DPP10: variants seen among roughly 807,000 people sequenced by gnomAD.
DPP10 encodes dipeptidyl peptidase like 10, also known as inactive dipeptidyl peptidase 10.
A neutral mutation model predicts 120.9 loss-of-function variants in DPP10; 33 were observed. The ratio of observed to expected loss-of-function variants is 0.27; its 90% CI spans 0.21 to 0.37. DPP10 has a LOEUF of 0.37. DPP10 is among the 10% of genes least tolerant of loss of function. DPP10 has a pLI of 1.00. For missense variants in DPP10, 816 were observed against 942.8 expected (o/e 0.87, Z 1.76); for synonymous variants, 337 against 326.1 (o/e 1.03, Z -0.36).
rs1475734596 is a variant in DPP10, at chr2:114,966,024, C to A, written c.61-343215C>A. ...AAAAAGAAAGATAAAGAGGAACAAGCAAAGAAAACCAACATGGGACAATCA... is the reference window on the plus strand; with the variant it reads ...AAAAAGAAAGATAAAGAGGAACAAGAAAAGAAAACCAACATGGGACAATCA... On this transcript the variant is annotated intron_variant, in intron 1 of 25. Coordinates refer to ENST00000410059, the MANE Select transcript of DPP10 (RefSeq NM_020868.6). Among the ~76,000 whole-genome samples, 39 of 142,996 alleles carry A rather than the reference C, an allele frequency of 2.7e-4. 1 individual carries two copies. Among genetic ancestry groups the A allele is most frequent in the Admixed American group, 1.8e-3 (26 of 14,446 alleles). The allele number at this position is 142,996 out of a possible 152,430, so 93.8% of individuals were successfully genotyped here. A position where few individuals can be genotyped will look rare whatever the true frequency, so the allele number is the denominator to read the frequency against.
intron 1 of DPP10, among the ~76,000 whole-genome samples, chr2:115,170,628 A>G (rs1335239937): frequency 6.6e-6 from 1 of 152,198 alleles, no homozygotes; most frequent in African/African-American, 2.4e-5. Context: ...TATAAAACAT[A>G]AGTGGTCCAA....
chr2:115,017,152 A>G (rs889687700), intron 1 of DPP10, among the ~76,000 whole-genome samples: 13 of 151,816 alleles, frequency 8.6e-5, no homozygotes, highest in Non-Finnish European at 1.8e-4. Flanking sequence ...GCACATGTAT[A>G]CATACGTAAC....
intron 1 of DPP10, among the ~76,000 whole-genome samples, chr2:115,291,991 T>C (rs572128860): frequency 6.6e-6 from 1 of 152,306 alleles, no homozygotes; most frequent in Admixed American, 6.5e-5. Context: ...TAAGCATTCA[T>C]TCAGGTCAAA....
chr2:114,522,983 GA>G (rs1225404046), intron 1 of DPP10, among the ~76,000 whole-genome samples: 1 of 152,206 alleles, frequency 6.6e-6, no homozygotes, highest in Admixed American at 6.5e-5. Flanking sequence ...GGGATTTCAA[GA>G]TGAGATTTGA....
At chr2:115,325,509 C>A (rs919723378) in intron 2 of DPP10, among the ~76,000 whole-genome samples, 4 of 151,982 alleles carry the variant, frequency 2.6e-5, no homozygotes, top group Non-Finnish European at 2.9e-5. Flanking sequence ...CAATAAAGTA[C>A]GTTCAGTAGA....
At chr2:115,460,712 A>G (rs2105067814) in intron 3 of DPP10, among the ~76,000 whole-genome samples, 1 of 152,292 alleles carries the variant, frequency 6.6e-6, no homozygotes, top group African/African-American at 2.4e-5. Context: ...GCATAGGAAG[A>G]TCACTGGAGG....
intron 1 of DPP10, among the ~76,000 whole-genome samples, chr2:114,937,108 A>G (rs1437978045): frequency 1.3e-5 from 2 of 151,814 alleles, no homozygotes; most frequent in African/African-American, 4.8e-5. Context: ...AGTTCCATCT[A>G]TTTATCTTTG....
intron 1 of DPP10, among the ~76,000 whole-genome samples, chr2:114,905,668 G>A (rs1693906442): frequency 6.6e-6 from 1 of 151,982 alleles, no homozygotes; most frequent in African/African-American, 2.4e-5. Flanking sequence ...ATTTAACCTA[G>A]CAATCCCATT....
intron 1 of DPP10, among the ~76,000 whole-genome samples, chr2:114,530,133 G>A (rs1233118297): frequency 6.6e-6 from 1 of 152,004 alleles, no homozygotes; most frequent in Non-Finnish European, 1.5e-5. Flanking sequence ...TAGTTAATAT[G>A]TTCTCATAAC....
At chr2:115,211,782 T>A (rs2056531268) in intron 1 of DPP10, among the ~76,000 whole-genome samples, 1 of 152,190 alleles carries the variant, frequency 6.6e-6, no homozygotes, top group South Asian at 2.1e-4. Flanking sequence ...ATATCCATAT[T>A]TGAGTTAAAT....
intron 1 of DPP10, among the ~76,000 whole-genome samples, chr2:114,554,738 C>T (rs560268742): frequency 6.6e-6 from 1 of 152,276 alleles, no homozygotes; most frequent in South Asian, 2.1e-4. Context: ...AACATCTGCC[C>T]CTTCCAATTA....
intron 1 of DPP10, among the ~76,000 whole-genome samples, chr2:114,627,513 C>A (rs1694606940): frequency 6.6e-6 from 1 of 152,012 alleles, no homozygotes; most frequent in African/African-American, 2.4e-5. Flanking sequence ...GTTAAAATGA[C>A]CAGCCACAGC....
At chr2:114,896,368 A>G (rs997403112) in intron 1 of DPP10, among the ~76,000 whole-genome samples, 2 of 152,212 alleles carry the variant, frequency 1.3e-5, no homozygotes, top group Admixed American at 6.5e-5. Flanking sequence ...ACCCACGAGC[A>G]TGGAATGTTC....
intron 1 of DPP10, among the ~76,000 whole-genome samples, chr2:115,087,732 T>A (rs1708845111): frequency 6.6e-6 from 1 of 151,818 alleles, no homozygotes; most frequent in South Asian, 2.1e-4. Flanking sequence ...TTTGTATTTT[T>A]AGTAGAGATG....
intron 1 of DPP10, among the ~76,000 whole-genome samples, chr2:114,894,044 A>T (rs1692767538): frequency 6.6e-6 from 1 of 152,048 alleles, no homozygotes. Context: ...CTTTTCAATT[A>T]TTCTACATAT....
chr2:115,305,170 T>C (rs1274515342), intron 1 of DPP10, among the ~76,000 whole-genome samples: 1 of 152,064 alleles, frequency 6.6e-6, no homozygotes, highest in Admixed American at 6.6e-5. Flanking sequence ...GATATCATAA[T>C]CTAACATGCA....
intron 1 of DPP10, among the ~76,000 whole-genome samples, chr2:115,218,861 A>G (rs1412257896): frequency 6.6e-6 from 1 of 152,142 alleles, no homozygotes; most frequent in African/African-American, 2.4e-5. Flanking sequence ...ATTGAAGGAA[A>G]GTCAATGTAG....
chr2:115,663,734 C>T (rs1440227551), intron 5 of DPP10, among the ~76,000 whole-genome samples: 4 of 152,144 alleles, frequency 2.6e-5, no homozygotes, highest in Non-Finnish European at 5.9e-5. Context: ...CGGTGGCTCA[C>T]GCCTGTAATC....
chr2:115,596,665 C>G (rs752385797), intron 5 of DPP10, among the ~76,000 whole-genome samples: 3 of 152,090 alleles, frequency 2.0e-5, no homozygotes, highest in Admixed American at 6.6e-5. Context: ...AAATTTATAT[C>G]TTAGAGTACA....
Sources: allele counts gnomAD v4.1 joint callset (sites outside exome capture counted in the v4.1 genomes callset), GRCh38; gene constraint gnomAD v4.1.1; transcripts MANE v1.5; gene names NCBI Gene and HGNC (gene_info 2026-07-23, HGNC 2026-07-21).